CRACD: variants seen among roughly 807,000 people sequenced by gnomAD.
The protein encoded by CRACD is capping protein inhibiting regulator of actin dynamics.
A neutral mutation model predicts 106.8 loss-of-function variants in CRACD; 56 were observed. The observed-to-expected ratio is 0.52, with a 90% CI of 0.42 to 0.66. The LOEUF (loss-of-function observed/expected upper bound fraction) is 0.66. CRACD is among the 30% of genes least tolerant of loss of function. The pLI, the probability that CRACD is intolerant of heterozygous loss-of-function variation, is 0.00. For synonymous variants in CRACD, 754 were observed against 670.8 expected, an observed-to-expected ratio of 1.12 and a Z score of -1.92; for missense variants, 1,730 against 1,623.2, an observed-to-expected ratio of 1.07 and a Z score of -1.13.
chr4:56,307,017 G>A (rs889506432), intron 4 of CRACD, among the ~76,000 whole-genome samples: 1 of 152,216 alleles, frequency 6.6e-6, no homozygotes, highest in Non-Finnish European at 1.5e-5. Flanking sequence ...GCTAAGGGCT[G>A]GTGAGGAAGG....
At chr4:56,055,968 G>C (rs989860008) in intron 1 of CRACD, among the ~76,000 whole-genome samples, 2 of 152,132 alleles carry the variant, frequency 1.3e-5, no homozygotes, top group African/African-American at 4.8e-5. Flanking sequence ...GTGCACATTT[G>C]TATTATTTTT....
At chr4:56,285,065 G>A (rs1182182276) in intron 3 of CRACD, among the ~76,000 whole-genome samples, 1 of 152,184 alleles carries the variant, frequency 6.6e-6, no homozygotes, top group African/African-American at 2.4e-5. Flanking sequence ...TACAGTCATG[G>A]TGGAAGGTGA....
At chr4:56,294,434 C>T (rs1213120767) in intron 3 of CRACD, among the ~76,000 whole-genome samples, 2 of 151,944 alleles carry the variant, frequency 1.3e-5, no homozygotes, top group Admixed American at 6.6e-5. Context: ...ATGTACAAGA[C>T]CTCTATACAG....
At chr4:56,181,376 A>G (rs1736813588) in intron 2 of CRACD, among the ~76,000 whole-genome samples, 1 of 152,124 alleles carries the variant, frequency 6.6e-6, no homozygotes. Context: ...GAGCAGAGTG[A>G]GTGGGAGGGT....
At chr4:56,282,472 G>C (rs972231355) in intron 3 of CRACD, among the ~76,000 whole-genome samples, 1 of 152,196 alleles carries the variant, frequency 6.6e-6, no homozygotes, top group African/African-American at 2.4e-5. Context: ...TGGCTAGAAA[G>C]CTGTATCAGG....
In CRACD at chr4:56,159,281, G is replaced by A. The variant is rs569055852; in HGVS notation, c.-335-20003G>A. On this transcript the variant is annotated intron_variant, in intron 1 of 10. Transcript: ENST00000682029. The stretch of plus-strand genomic sequence containing the variant: ...ATAAAAATTTATACATTTATAGAGC[G>A]GGTCTCTGTAGTCAGCTATATACAA... Among the ~76,000 whole-genome samples the A allele has an allele frequency of 3.9e-5, 6 of 152,244 alleles. No individual in the cohort carries two copies. The South Asian group carries it at 8.3e-4, about 21-fold the overall frequency.
At chr4:56,200,495 GT>G in intron 2 of CRACD, among the ~76,000 whole-genome samples, 1 of 152,304 alleles carries the variant, frequency 6.6e-6, no homozygotes, top group East Asian at 1.9e-4. Context: ...CCCTTCAGAA[GT>G]TTTTTAATAT....
chr4:56,193,812 T>G (rs1025454180), intron 2 of CRACD, among the ~76,000 whole-genome samples: 4 of 143,272 alleles, frequency 2.8e-5, no homozygotes, highest in African/African-American at 5.0e-5. Context: ...AAAGTTTCTG[T>G]TTTTTTTTTA....
At chr4:56,226,644 A>G (rs1739318094) in intron 2 of CRACD, among the ~76,000 whole-genome samples, 1 of 152,102 alleles carries the variant, frequency 6.6e-6, no homozygotes, top group African/African-American at 2.4e-5. Flanking sequence ...TTTGATCCCC[A>G]GCATTGGAGG....
intron 2 of CRACD, among the ~76,000 whole-genome samples, chr4:56,232,998 G>A (rs1054262123): frequency 1.3e-5 from 2 of 151,868 alleles, no homozygotes; most frequent in African/African-American, 4.8e-5. Flanking sequence ...CTAAGTGCTG[G>A]GATTACAGGC....
chr4:56,112,272 G>A (rs1480947638), intron 1 of CRACD, among the ~76,000 whole-genome samples: 1 of 152,144 alleles, frequency 6.6e-6, no homozygotes, highest in Non-Finnish European at 1.5e-5. Context: ...GGAGAATCGG[G>A]CAGCTCATGC....
At chr4:56,135,903 G>A (rs753941906) in intron 1 of CRACD, among the ~76,000 whole-genome samples, 1 of 152,178 alleles carries the variant, frequency 6.6e-6, no homozygotes, top group Non-Finnish European at 1.5e-5. Context: ...GTGTGTGCAT[G>A]CTCATTTGAA....
intron 2 of CRACD, among the ~76,000 whole-genome samples, chr4:56,231,976 T>C (rs1432702344): frequency 1.3e-5 from 2 of 152,196 alleles, no homozygotes; most frequent in African/African-American, 4.8e-5. Context: ...TACCTAAGGA[T>C]GTACAAAAAA....
At position 56,315,328 on chromosome 4, in the gene CRACD, A is replaced by C. The variant is rs117227854; in HGVS notation, c.1826A>C (p.Asn609Thr). The change falls in exon 8 of 11, where the codon AAC becomes ACC. Residue 609 changes from asparagine (N) to threonine (T), a missense_variant. Asn to Thr is a moderately conservative substitution (Grantham distance 65, BLOSUM62 0). Around this residue, in one of 5 missense-constraint regions of CRACD, gnomAD observed 1,620 missense variants for 1,481.6 expected, o/e 1.09. Coordinates refer to ENST00000682029, the MANE Select transcript of CRACD (RefSeq NM_001393381.1). This position sits in a 1 kb window ranked among gnomAD's most constrained non-coding sequence, Gnocchi z 4.1. ...GCGCAGCTCTGTGGCCCGGCAGTCA[A>C]CCTGAGCCAGATCAAGGACACCGCG... ...TGAQLCGPAVNLSQIKDTACK... is the reference protein window; with the variant it reads ...TGAQLCGPAVTLSQIKDTACK... 24 of 1,613,738 alleles carry C rather than the reference A, an allele frequency of 1.5e-5. No individual in the cohort carries two copies. The highest frequency in any genetic ancestry group is 2.0e-5 in the Non-Finnish European group (24 of 1,179,942).
intron 3 of CRACD, among the ~76,000 whole-genome samples, chr4:56,296,850 T>C (rs540579108): frequency 6.6e-6 from 1 of 152,306 alleles, no homozygotes; most frequent in East Asian, 1.9e-4. Context: ...GGGAACAGTT[T>C]GCTTCCTTAC....
At chr4:56,265,771 G>A (rs1336554453) in intron 2 of CRACD, among the ~76,000 whole-genome samples, 1 of 152,174 alleles carries the variant, frequency 6.6e-6, no homozygotes, top group Non-Finnish European at 1.5e-5. Flanking sequence ...AAATCCTGGA[G>A]TAAGACATTT....
intron 3 of CRACD, among the ~76,000 whole-genome samples, chr4:56,296,508 A>G (rs1198203666): frequency 6.6e-6 from 1 of 152,094 alleles, no homozygotes; most frequent in Non-Finnish European, 1.5e-5. Context: ...AGTCTTCCCA[A>G]CTGGGTCTAG....
At chr4:56,290,620 G>C (rs540273262) in intron 3 of CRACD, among the ~76,000 whole-genome samples, 57 of 152,180 alleles carry the variant, frequency 3.7e-4, no homozygotes, top group Non-Finnish European at 7.2e-4. Flanking sequence ...GGGCTGATTA[G>C]AAATGCCTGA....
At position 56,191,234 on chromosome 4, in the gene CRACD, C is replaced by G. The variant is rs148491502; in HGVS notation, c.-189+11804C>G. 5.1e-3 allele frequency among the ~76,000 whole-genome samples: 777 copies of G among 152,286 alleles called. 3 individuals are homozygous for G. The highest frequency in any genetic ancestry group is 9.0e-3 in the Non-Finnish European group (611 of 68,032). ...AGATCAGAAGTCTCAAATGAGTCAG[C>G]AGGCCTGGCTCCTTCTGGAGGTTCT... On this transcript the variant is annotated intron_variant, in intron 2 of 10. Transcript: ENST00000682029.
Sources: allele counts gnomAD v4.1 joint callset (sites outside exome capture counted in the v4.1 genomes callset), GRCh38; gene constraint gnomAD v4.1.1; regional missense constraint gnomAD v4.1.1; non-coding constraint Gnocchi (gnomAD v3.1); transcripts MANE v1.5; gene names NCBI Gene and HGNC (gene_info 2026-07-23, HGNC 2026-07-21).